NXPH1: variants seen among roughly 807,000 people sequenced by gnomAD.
NXPH1 encodes the protein neurexophilin 1.
Under a neutral mutation model 23.7 loss-of-function variants are expected in NXPH1, and 5 were observed. The observed-to-expected ratio is 0.21, with a 90% CI of 0.11 to 0.44. NXPH1 has a LOEUF of 0.44. NXPH1 is among the 20% of genes least tolerant of loss of function. The pLI is 0.99. For missense variants in NXPH1, 324 were observed against 321.6 expected, an observed-to-expected ratio of 1.01 and a Z score of -0.06; for synonymous variants, 144 against 122.2, an observed-to-expected ratio of 1.18 and a Z score of -1.18.
At chr7:8,653,150 A>G (rs1820517773) in intron 2 of NXPH1, among the ~76,000 whole-genome samples, 1 of 152,110 alleles carries the variant, frequency 6.6e-6, no homozygotes, top group African/African-American at 2.4e-5. Context: ...GTACAGAAAA[A>G]TGACTGCTCT....
chr7:8,552,837 G>A (rs1410295035), intron 2 of NXPH1, among the ~76,000 whole-genome samples: 1 of 151,496 alleles, frequency 6.6e-6, no homozygotes, highest in Non-Finnish European at 1.5e-5. Context: ...TTACATCTCA[G>A]GACATTATGT....
intron 2 of NXPH1, among the ~76,000 whole-genome samples, chr7:8,643,743 C>A (rs1289567102): frequency 6.6e-6 from 1 of 151,978 alleles, no homozygotes; most frequent in East Asian, 1.9e-4. Context: ...TACTTTATTA[C>A]TTTTGCATAG....
chr7:8,687,432 GA>G (rs1821164067), intron 2 of NXPH1, among the ~76,000 whole-genome samples: 2 of 152,208 alleles, frequency 1.3e-5, no homozygotes, highest in African/African-American at 2.4e-5. Flanking sequence ...TTTAGCTTGT[GA>G]AAAGTCAACA....
intron 2 of NXPH1, among the ~76,000 whole-genome samples, chr7:8,541,144 A>G (rs2128618482): frequency 6.6e-6 from 1 of 151,892 alleles, no homozygotes; most frequent in African/African-American, 2.4e-5. Context: ...GATTGAGTAG[A>G]TATGGAAGAG....
chr7:8,452,856 G>A (rs995436060), intron 2 of NXPH1, among the ~76,000 whole-genome samples: 1 of 152,080 alleles, frequency 6.6e-6, no homozygotes, highest in African/African-American at 2.4e-5. Context: ...TTCTGTTTTT[G>A]TAAATATATT....
intron 2 of NXPH1, among the ~76,000 whole-genome samples, chr7:8,632,494 G>A (rs146143320): frequency 6.6e-6 from 1 of 152,260 alleles, no homozygotes; most frequent in East Asian, 1.9e-4. Context: ...TGGGAAATCA[G>A]TCACTTTAAG....
chr7:8,507,810 C>G (rs1817554741), intron 2 of NXPH1, among the ~76,000 whole-genome samples: 1 of 152,082 alleles, frequency 6.6e-6, no homozygotes, highest in Non-Finnish European at 1.5e-5. Context: ...CACCTCCTGC[C>G]TCATGATTTG....
chr7:8,723,364 T>G (rs919481972), intron 2 of NXPH1, among the ~76,000 whole-genome samples: 1 of 152,204 alleles, frequency 6.6e-6, no homozygotes, highest in African/African-American at 2.4e-5. Context: ...GAAGAAAATG[T>G]AGAATATGAT....
chr7:8,624,332 T>C (rs764005016), intron 2 of NXPH1, among the ~76,000 whole-genome samples: 2 of 152,162 alleles, frequency 1.3e-5, no homozygotes, highest in Non-Finnish European at 2.9e-5. Context: ...GCTTTCCAAT[T>C]GAACCTTGTT....
At chr7:8,711,360 TA>T (rs2115197525) in intron 2 of NXPH1, among the ~76,000 whole-genome samples, 1 of 152,346 alleles carries the variant, frequency 6.6e-6, no homozygotes, top group Non-Finnish European at 1.5e-5. Flanking sequence ...TAAAATAGTA[TA>T]TTTTTTTCAT....
At chr7:8,564,738 A>G (rs183088149) in intron 2 of NXPH1, among the ~76,000 whole-genome samples, 30 of 151,932 alleles carry the variant, frequency 2.0e-4, no homozygotes, top group Non-Finnish European at 4.0e-4. Flanking sequence ...AGTGTGGTCC[A>G]TTTCTTTCTT....
intron 2 of NXPH1, among the ~76,000 whole-genome samples, chr7:8,713,179 A>G (rs930736803): frequency 2.0e-5 from 3 of 152,042 alleles, no homozygotes; most frequent in African/African-American, 7.2e-5. Context: ...CAAATAGCCT[A>G]TCTTCAAGCT....
chr7:8,462,185 A>G (rs146394379), intron 2 of NXPH1, among the ~76,000 whole-genome samples: 8,396 of 152,086 alleles, frequency 0.055, 436 homozygotes, highest in African/African-American at 0.14. Flanking sequence ...AGTAGCTGGG[A>G]CTACAGGCAT....
intron 2 of NXPH1, among the ~76,000 whole-genome samples, chr7:8,456,742 C>T (rs1240358717): frequency 6.6e-6 from 1 of 152,146 alleles, no homozygotes; most frequent in Non-Finnish European, 1.5e-5. Flanking sequence ...CAAATAACTG[C>T]AGTAAGAAAC....
At chr7:8,650,729 T>C (rs1426703029) in intron 2 of NXPH1, among the ~76,000 whole-genome samples, 1 of 152,190 alleles carries the variant, frequency 6.6e-6, no homozygotes, top group Non-Finnish European at 1.5e-5. Context: ...AGCATCCTAT[T>C]GTAATTCACT....
intron 2 of NXPH1, among the ~76,000 whole-genome samples, chr7:8,483,966 T>G (rs1399502455): frequency 3.2e-5 from 4 of 124,564 alleles, no homozygotes; most frequent in Non-Finnish European, 6.6e-5. Flanking sequence ...TCCCCCCACC[T>G]TTTTTTTTTT....
chr7:8,747,161 T>C (rs1336522012), intron 2 of NXPH1, among the ~76,000 whole-genome samples: 3 of 152,158 alleles, frequency 2.0e-5, no homozygotes, highest in Non-Finnish European at 4.4e-5. Flanking sequence ...CAGTGAAGCT[T>C]AAACAAGTTA....
At chr7:8,585,046 T>G (rs1334430585) in intron 2 of NXPH1, among the ~76,000 whole-genome samples, 1 of 152,220 alleles carries the variant, frequency 6.6e-6, no homozygotes, top group Non-Finnish European at 1.5e-5. Flanking sequence ...ATTGGAGATG[T>G]CAGTAGTGTT....
At chr7:8,532,957 C>T (rs2128617520) in intron 2 of NXPH1, among the ~76,000 whole-genome samples, 1 of 152,154 alleles carries the variant, frequency 6.6e-6, no homozygotes, top group South Asian at 2.1e-4. Context: ...GTACTATTGC[C>T]ACTGCCAGCA....
Sources: allele counts gnomAD v4.1 joint callset (sites outside exome capture counted in the v4.1 genomes callset), GRCh38; gene constraint gnomAD v4.1.1; transcripts MANE v1.5; gene names NCBI Gene and HGNC (gene_info 2026-07-23, HGNC 2026-07-21).